The following MICU3 variants were observed in gnomAD, a reference collection of about 807,000 sequenced individuals.
MICU3 encodes mitochondrial calcium uptake 3.
A neutral mutation model predicts 66.5 loss-of-function variants in MICU3; 62 were observed. The ratio of observed to expected loss-of-function variants is 0.93; its 90% CI spans 0.76 to 1.15. MICU3 has a LOEUF of 1.15. Ranked by LOEUF, MICU3 falls within the 50% of genes most tolerant of loss-of-function variation. The pLI, the probability that MICU3 is intolerant of heterozygous loss-of-function variation, is 0.00. For missense variants in MICU3, 779 were observed against 664.4 expected, an observed-to-expected ratio of 1.17 and a Z score of -1.90; for synonymous variants, 308 against 240.7, an observed-to-expected ratio of 1.28 and a Z score of -2.59.
intron 1 of MICU3, among the ~76,000 whole-genome samples, chr8:17,058,749 A>G (rs1352201141): frequency 3.3e-5 from 5 of 152,154 alleles, no homozygotes; most frequent in African/African-American, 1.2e-4. Context: ...CTCCAAGCCA[A>G]TCTCCTGTGC....
chr8:17,098,374 G>A, intron 8 of MICU3, 84 bp from the exon 9 acceptor site: 1 of 920,524 alleles, frequency 1.1e-6, no homozygotes, highest in Non-Finnish European at 1.8e-6. Context: ...TCCTTTTCAA[G>A]GTTGGTTAGA....
chr8:17,071,312 C>G (rs1819554151), intron 3 of MICU3, among the ~76,000 whole-genome samples: 1 of 152,096 alleles, frequency 6.6e-6, no homozygotes, highest in South Asian at 2.1e-4. Context: ...ATCCAGGTGT[C>G]AGCAGGTTAG....
chr8:17,045,501 A>C (rs548331650), intron 1 of MICU3, among the ~76,000 whole-genome samples: 2 of 152,304 alleles, frequency 1.3e-5, no homozygotes, highest in East Asian at 3.9e-4. Context: ...GTCCCCATAA[A>C]AAGGCCTCAT....
intron 5 of MICU3, among the ~76,000 whole-genome samples, chr8:17,084,382 A>C (rs193003216): frequency 6.6e-6 from 1 of 152,114 alleles, no homozygotes; most frequent in African/African-American, 2.4e-5. Context: ...AGCTGTTACT[A>C]GTTAAGAAAG....
chr8:17,116,494 A>C lies in MICU3; in HGVS notation c.1418A>C (p.His473Pro), dbSNP rs1194948094. Residue 473 changes from histidine (H) to proline (P), a missense_variant, in exon 13 of 15, where the codon CAT (histidine) becomes CCT (proline). By Grantham distance (77) the His-to-Pro change is moderately conservative. Transcript: ENST00000318063. ...GCTACTGGACTCAAATTTTCACCAC[A>C]TTTAGTGAACACTGTCTTCAAGATT... ...YVATGLKFSP[H>P]LVNTVFKIFD... 6.4e-7 allele frequency: 1 copy of C among 1,557,088 alleles called. No homozygotes were observed. The highest frequency in any genetic ancestry group is 8.6e-7 in the Non-Finnish European group (1 of 1,158,922).
downstream of MICU3, among the ~76,000 whole-genome samples, chr8:17,125,484 C>T (rs1803382140): frequency 6.6e-6 from 1 of 152,190 alleles, no homozygotes; most frequent in Non-Finnish European, 1.5e-5. Flanking sequence ...AAATTTGAAT[C>T]TCTGTGTGGC....
At chr8:17,033,963 A>G (rs1812534293) in intron 1 of MICU3, among the ~76,000 whole-genome samples, 1 of 152,166 alleles carries the variant, frequency 6.6e-6, no homozygotes, top group Non-Finnish European at 1.5e-5. Context: ...TTTTCAATAG[A>G]GATGAAACAG....
At chr8:17,056,861 A>G (rs1299842257) in intron 1 of MICU3, among the ~76,000 whole-genome samples, 1 of 152,218 alleles carries the variant, frequency 6.6e-6, no homozygotes, top group African/African-American at 2.4e-5. Flanking sequence ...TCTCCTTGGC[A>G]ATAGCTGGAA....
In MICU3 at chr8:17,053,744, C is replaced by T. The variant is rs540115842; in HGVS notation, c.382-10340C>T. ...TTTTTATCATTTCAACGTAAATTCT[C>T]ATAAATAGCTCACAATTTCTCAATA... On this transcript the variant is annotated intron_variant, in intron 1 of 14. Coordinates refer to ENST00000318063, the MANE Select transcript of MICU3 (RefSeq NM_181723.3). Among the ~76,000 whole-genome samples the T allele has an allele frequency of 1.3e-4, 20 of 152,204 alleles. No individual in the cohort carries two copies. In the South Asian group the frequency reaches 3.9e-3, roughly 30 times the overall value.
intron 1 of MICU3, among the ~76,000 whole-genome samples, chr8:17,033,602 AAT>A (rs1812457512): frequency 6.6e-6 from 1 of 151,904 alleles, no homozygotes; most frequent in African/African-American, 2.4e-5. Flanking sequence ...ACACCCAGCT[AAT>A]TTTTTTGTAT....
chr8:17,091,623 T>G (rs961326794), intron 8 of MICU3, among the ~76,000 whole-genome samples: 1 of 152,046 alleles, frequency 6.6e-6, no homozygotes, highest in Non-Finnish European at 1.5e-5. Context: ...AAAATGGACC[T>G]GGAATGGGTA....
intron 1 of MICU3, among the ~76,000 whole-genome samples, chr8:17,062,860 C>G (rs945085755): frequency 2.7e-5 from 4 of 148,942 alleles, no homozygotes; most frequent in Non-Finnish European, 4.4e-5. Context: ...GCCTGGGTGA[C>G]AGAGTGAGAC....
chr8:17,067,503 C>G (rs1470581232), intron 2 of MICU3, among the ~76,000 whole-genome samples: 1 of 151,888 alleles, frequency 6.6e-6, no homozygotes, highest in East Asian at 1.9e-4. Flanking sequence ...GATCTCAGCT[C>G]ACTGCAACCT....
chr8:17,063,819 C>CA (rs3216862), intron 1 of MICU3, among the ~76,000 whole-genome samples: 15 of 150,314 alleles, frequency 1.0e-4, no homozygotes, highest in South Asian at 2.1e-4. Flanking sequence ...AGAAATAAAC[C>CA]AAAAAAAAAT....
At chr8:17,084,136 G>T (rs896428474) in intron 5 of MICU3, among the ~76,000 whole-genome samples, 1 of 152,000 alleles carries the variant, frequency 6.6e-6, no homozygotes, top group African/African-American at 2.4e-5. Flanking sequence ...CAAGAAGTGG[G>T]CTACATAATC....
chr8:17,067,188 G>A (rs12544320), intron 2 of MICU3, among the ~76,000 whole-genome samples: 13,429 of 152,222 alleles, frequency 0.088, 685 homozygotes, highest in South Asian at 0.21. Context: ...TTCATGTACT[G>A]AGTATTAAAT....
At chr8:17,040,844 A>C (rs1813943622) in intron 1 of MICU3, among the ~76,000 whole-genome samples, 1 of 152,184 alleles carries the variant, frequency 6.6e-6, no homozygotes, top group Non-Finnish European at 1.5e-5. Flanking sequence ...GGAAAATTCT[A>C]GGGTTTTAGG....
chr8:17,093,906 A>C (rs1391243582), intron 8 of MICU3, among the ~76,000 whole-genome samples: 3 of 152,010 alleles, frequency 2.0e-5, no homozygotes, highest in Non-Finnish European at 4.4e-5. Flanking sequence ...GTAAATATAC[A>C]ATAAAATAAA....
chr8:17,133,569 T>C, the MICU3 span, among the ~76,000 whole-genome samples: 18 of 152,300 alleles, frequency 1.2e-4, no homozygotes, highest in Admixed American at 1.2e-3. Context: ...TCCTTACTGC[T>C]TTTAAGCTTA....
Sources: gnomAD v4.1 joint callset for allele counts (sites outside exome capture counted in the v4.1 genomes callset) on GRCh38, gnomAD v4.1.1 for gene constraint, MANE v1.5 for transcripts, NCBI Gene and HGNC (gene_info 2026-07-23, HGNC 2026-07-21) for gene names.